Variants in PUM1 observed in about 807,000 individuals in gnomAD.
The protein encoded by PUM1 is pumilio RNA binding family member 1, also known as pumilio homolog 1.
PUM1 carries 13 observed loss-of-function variants against 131.8 expected under a neutral mutation model. The observed-to-expected ratio is 0.10, with a 90% CI of 0.06 to 0.16. The LOEUF (loss-of-function observed/expected upper bound fraction) is 0.16. Ranked by LOEUF, PUM1 falls within the 10% of genes least tolerant of loss-of-function variation. The probability of loss-of-function intolerance (pLI) is 1.00; values close to 1 mark genes in which losing one functional copy is unlikely to be tolerated. For synonymous variants in PUM1, 509 were observed against 556.5 expected, an observed-to-expected ratio of 0.91 and a Z score of 1.20; for missense variants, 961 against 1,512.4, an observed-to-expected ratio of 0.64 and a Z score of 6.05.
At chr1:31,064,475 A>C (rs1644436728) in intron 1 of PUM1, among the ~76,000 whole-genome samples, 1 of 152,116 alleles carries the variant, frequency 6.6e-6, no homozygotes, top group Admixed American at 6.6e-5. Flanking sequence ...CGGAAGCCAC[A>C]TTTCTTGGGG....
rs535113197 is a variant in PUM1 at position 31,041,905 on chromosome 1, G to C, written c.364-13041C>G. ...TGAGAAAGATAAAAATGTGCATACAGTACTGAGTGGCTCAAATCATGTAAA... is the reference window on the plus strand; with the variant it reads ...TGAGAAAGATAAAAATGTGCATACACTACTGAGTGGCTCAAATCATGTAAA... On this transcript the variant is annotated intron_variant, in intron 2 of 21. Transcript: ENST00000426105. Among the ~76,000 whole-genome samples the C allele has an allele frequency of 1.8e-4, 28 of 152,148 alleles. No individual in the cohort carries two copies. The South Asian group carries it at 5.8e-3, about 32-fold the overall frequency.
chr1:31,009,735 T>G (rs1642526836), intron 3 of PUM1, among the ~76,000 whole-genome samples: 1 of 124,544 alleles, frequency 8.0e-6, no homozygotes, highest in African/African-American at 3.2e-5. Flanking sequence ...GCCACTGTAC[T>G]CCAGCCTGGG....
At chr1:30,966,809 C>T (rs1640640086) in intron 12 of PUM1, among the ~76,000 whole-genome samples, 1 of 152,134 alleles carries the variant, frequency 6.6e-6, no homozygotes, top group Non-Finnish European at 1.5e-5. Context: ...TCCACTCCTG[C>T]CCCTGTGGCA....
At chr1:31,065,105 C>A (rs1398192297) in intron 1 of PUM1, among the ~76,000 whole-genome samples, 1 of 152,176 alleles carries the variant, frequency 6.6e-6, no homozygotes, top group Non-Finnish European at 1.5e-5. Context: ...AGTTCCCCCA[C>A]GGTGAATCTC....
chr1:30,945,621 A>G (rs1639635551), intron 17 of PUM1, 138 bp from the exon 18 acceptor site: 5 of 885,418 alleles, frequency 5.6e-6, no homozygotes, highest in Non-Finnish European at 8.5e-6. Flanking sequence ...CTGTGGAACA[A>G]TGACAACAGG....
intron 7 of PUM1, among the ~76,000 whole-genome samples, 155 bp downstream of exon 7, chr1:30,992,233 GGA>G (rs1413500823): frequency 1.3e-5 from 2 of 152,106 alleles, no homozygotes; most frequent in African/African-American, 2.4e-5. Context: ...CTTCATGAGG[GGA>G]CTCTGTAAAC....
Position 30,936,780 on chromosome 1 carries a change from T to A in PUM1, c.3298A>T (p.Ile1100Phe). 1 of 1,614,058 alleles carries A rather than the reference T, an allele frequency of 6.2e-7. No individual in the cohort carries two copies. The highest frequency in any genetic ancestry group is 8.5e-7 in the Non-Finnish European group (1 of 1,179,900). Residue 1100 changes from isoleucine to phenylalanine, a missense_variant, in exon 21 of 22, where the codon ATC becomes TTC. By Grantham distance (21) the Ile-to-Phe change is conservative. Coordinates refer to ENST00000426105, the MANE Select transcript of PUM1 (RefSeq NM_001020658.2). Reference sequence around the variant, plus strand: ...TCGTTCATGGTGCACACCTCATCGATGAGCACAGCGCGCTCCGTACGTGAG... The same window carrying A: ...TCGTTCATGGTGCACACCTCATCGAAGAGCACAGCGCGCTCCGTACGTGAG... ...HASRTERAVL[I>F]DEVCTMNDGP...
chr1:31,048,906 A>T (rs922211730), intron 2 of PUM1, among the ~76,000 whole-genome samples: 4 of 152,138 alleles, frequency 2.6e-5, no homozygotes, highest in Non-Finnish European at 5.9e-5. Context: ...TACTAATTTC[A>T]CATCAAAAAC....
rs1369344524 is a variant in PUM1, at chr1:31,059,561, G to A, written c.6C>T (p.Ser2=). 8 of 1,608,114 alleles carry A rather than the reference G, an allele frequency of 5.0e-6. No individual in the cohort carries two copies. The highest frequency in any genetic ancestry group is 2.2e-5 in the East Asian group (1 of 44,812). The change falls in exon 2 of 22, where the codon AGC becomes AGT. Residue 2 remains serine (S), a synonymous_variant. Coordinates refer to ENST00000426105, the MANE Select transcript of PUM1 (RefSeq NM_001020658.2). The stretch of plus-strand genomic sequence containing the variant: ...CTTTTCTCTTCAAGACACATGCAAC[G>A]CTCATTCCACCAACACCTAAGGACA... M[S]VACVLKRKAV...
chr1:31,006,441 T>C (rs1013102689), intron 4 of PUM1, among the ~76,000 whole-genome samples: 1 of 152,250 alleles, frequency 6.6e-6, no homozygotes, highest in Non-Finnish European at 1.5e-5. Flanking sequence ...TACGTTGTAC[T>C]GTAATACACG....
intron 14 of PUM1, 142 bp downstream of exon 14, chr1:30,964,532 T>G (rs1444361654): frequency 5.4e-6 from 4 of 744,330 alleles, no homozygotes; most frequent in Admixed American, 2.3e-5. Context: ...CTGAATAACA[T>G]GAGGTATTTA....
intron 2 of PUM1, among the ~76,000 whole-genome samples, chr1:31,054,093 C>CAA (rs368330168): frequency 0.076 from 4,149 of 54,832 alleles, 527 homozygotes; most frequent in Admixed American, 0.12. Context: ...GACTTTATTT[C>CAA]AAAAAAAAAA....
At position 31,059,401 on chromosome 1, in the gene PUM1, G is replaced by A; in HGVS notation, c.166C>T (p.Leu56Phe). The part of the protein sequence containing the change: ...AQPQPAANQA[L>F]AAGTHSSPVP... ...GGGCTGGAGTGAGTCCCAGCTGCAA[G>A]AGCCTGATTTGCAGCTGGTTGTGGC... The change falls in exon 2 of 22, where the codon CTT (leucine) becomes TTT (phenylalanine). Residue 56 changes from leucine (L) to phenylalanine (F), a missense_variant. Around this residue, in one of 4 missense-constraint regions of PUM1, gnomAD observed 654 missense variants for 923.9 expected, o/e 0.71. Coordinates refer to ENST00000426105, the MANE Select transcript of PUM1 (RefSeq NM_001020658.2). The A allele has an allele frequency of 6.2e-7, 1 of 1,614,170 alleles. No individual in the cohort carries two copies. Among genetic ancestry groups the A allele is most frequent in the Non-Finnish European group, 8.5e-7 (1 of 1,180,028 alleles).
chr1:31,065,480 C>A, intron 1 of PUM1, 136 bp downstream of exon 1: 2 of 1,042,346 alleles, frequency 1.9e-6, no homozygotes, highest in South Asian at 3.3e-5. Context: ...GAGTGAGAAG[C>A]CTCAGCCAGG....
At chr1:30,954,804 T>C (rs1478617990) in intron 14 of PUM1, among the ~76,000 whole-genome samples, 3 of 152,094 alleles carry the variant, frequency 2.0e-5, no homozygotes, top group Non-Finnish European at 4.4e-5. Flanking sequence ...GGCTGATGTC[T>C]GTAAACCCAA....
At chr1:30,967,475 G>C (rs1007425922) in intron 11 of PUM1, among the ~76,000 whole-genome samples, 165 bp from the exon 12 acceptor site, 4 of 152,114 alleles carry the variant, frequency 2.6e-5, no homozygotes, top group Non-Finnish European at 4.4e-5. Flanking sequence ...GGCTACAAAT[G>C]ATTATAAAAA....
chr1:31,058,358 T>C (rs973623907), intron 2 of PUM1, among the ~76,000 whole-genome samples: 3 of 152,060 alleles, frequency 2.0e-5, no homozygotes, highest in Non-Finnish European at 2.9e-5. Context: ...CCAAAAAAAG[T>C]GTTCTTAAAA....
chr1:31,065,217 C>A (rs1644457308), intron 1 of PUM1, among the ~76,000 whole-genome samples: 1 of 152,106 alleles, frequency 6.6e-6, no homozygotes. Flanking sequence ...CGGGGTGGCA[C>A]AGAATTACAC....
At chr1:30,966,831 C>T (rs556683192) in intron 12 of PUM1, among the ~76,000 whole-genome samples, 114 of 152,098 alleles carry the variant, frequency 7.5e-4, no homozygotes, top group African/African-American at 2.7e-3. Flanking sequence ...AAAACAACCC[C>T]TCCTCTAAAA....
Sources: gnomAD v4.1 joint callset for allele counts (sites outside exome capture counted in the v4.1 genomes callset) on GRCh38, gnomAD v4.1.1 for gene constraint, gnomAD v4.1.1 regional missense constraint, MANE v1.5 for transcripts, NCBI Gene and HGNC (gene_info 2026-07-23, HGNC 2026-07-21) for gene names.